CYP19A1: variants seen among roughly 807,000 people sequenced by gnomAD.
The protein encoded by CYP19A1 is aromatase.
CYP19A1 carries 32 observed loss-of-function variants against 44.4 expected under a neutral mutation model. That is an observed-to-expected ratio of 0.72 (90% confidence interval 0.54 to 0.97). The LOEUF (loss-of-function observed/expected upper bound fraction) is 0.97. Ranked by LOEUF, CYP19A1 falls within the 50% of genes least tolerant of loss-of-function variation. The pLI, the probability that CYP19A1 is intolerant of heterozygous loss-of-function variation, is 0.00. For missense variants in CYP19A1, 598 were observed against 637.8 expected (o/e 0.94, Z 0.67); for synonymous variants, 212 against 215.6 (o/e 0.98, Z 0.14).
intron 3 of CYP19A1, 54 bp from the exon 4 acceptor site, chr15:51,227,987 G>A: frequency 3.1e-6 from 3 of 967,232 alleles, no homozygotes; most frequent in Non-Finnish European, 3.4e-6. Context: ...AGAACTCCTG[G>A]TGGTACATTT....
At chr15:51,327,682 A>G (rs914646722) in intron 1 of CYP19A1, among the ~76,000 whole-genome samples, 2 of 152,168 alleles carry the variant, frequency 1.3e-5, no homozygotes, top group African/African-American at 4.8e-5. Flanking sequence ...CACAGGCACT[A>G]GTTCAGTTGA....
At chr15:51,223,763 C>G (rs1044818177) in intron 4 of CYP19A1, among the ~76,000 whole-genome samples, 1 of 152,124 alleles carries the variant, frequency 6.6e-6, no homozygotes. Context: ...AAGGAGCAGG[C>G]TTTCTGACCA....
At chr15:51,243,248 T>C (rs1353142764) in intron 1 of CYP19A1, among the ~76,000 whole-genome samples, 3 of 152,152 alleles carry the variant, frequency 2.0e-5, no homozygotes, top group Non-Finnish European at 2.9e-5. Context: ...GCATTCCCAA[T>C]TGAAAGCCAA....
At chr15:51,255,198 C>A (rs1299130926) in intron 1 of CYP19A1, among the ~76,000 whole-genome samples, 1 of 152,128 alleles carries the variant, frequency 6.6e-6, no homozygotes, top group Non-Finnish European at 1.5e-5. Context: ...AGGAAATCTC[C>A]CTCTTTCCAA....
intron 2 of CYP19A1, among the ~76,000 whole-genome samples, chr15:51,242,033 A>C (rs1285327977): frequency 6.6e-6 from 1 of 152,042 alleles, no homozygotes; most frequent in Non-Finnish European, 1.5e-5. Context: ...AGTCATTCTG[A>C]ATTAATCTGA....
intron 1 of CYP19A1, among the ~76,000 whole-genome samples, chr15:51,316,870 T>G (rs1051262030): frequency 6.6e-6 from 1 of 152,222 alleles, no homozygotes; most frequent in African/African-American, 2.4e-5. Context: ...GTGCAGCATT[T>G]AGGAAGCCTC....
At chr15:51,298,169 T>G (rs1158248158) in intron 1 of CYP19A1, among the ~76,000 whole-genome samples, 2 of 152,192 alleles carry the variant, frequency 1.3e-5, no homozygotes, top group Non-Finnish European at 2.9e-5. Context: ...GCCGCCACTG[T>G]TCAGGTGGCA....
At chr15:51,272,746 T>C (rs1221897219) in intron 1 of CYP19A1, among the ~76,000 whole-genome samples, 1 of 152,138 alleles carries the variant, frequency 6.6e-6, no homozygotes, top group African/African-American at 2.4e-5. Context: ...GTAATTATTA[T>C]AGGGGAAAAA....
At chr15:51,301,701 A>G (rs1283371638) in intron 1 of CYP19A1, among the ~76,000 whole-genome samples, 3 of 152,190 alleles carry the variant, frequency 2.0e-5, no homozygotes, top group Non-Finnish European at 4.4e-5. Context: ...TTTATCAAAT[A>G]TCACTGGTTG....
chr15:51,229,320 G>T (rs1340105780), intron 3 of CYP19A1, among the ~76,000 whole-genome samples: 2 of 150,674 alleles, frequency 1.3e-5, no homozygotes, highest in Non-Finnish European at 2.9e-5. Context: ...AGCCCTGGAG[G>T]TTGAGGCTGC....
At chr15:51,230,777 C>T (rs1291912354) in intron 3 of CYP19A1, among the ~76,000 whole-genome samples, 1 of 152,068 alleles carries the variant, frequency 6.6e-6, no homozygotes. Context: ...CGCCACCACA[C>T]CCGGCTAATT....
At chr15:51,225,971 C>T (rs1400993883) in intron 4 of CYP19A1, among the ~76,000 whole-genome samples, 1 of 151,382 alleles carries the variant, frequency 6.6e-6, no homozygotes, top group Non-Finnish European at 1.5e-5. Context: ...CACCTGTAGT[C>T]CCAGCTACTC....
At chr15:51,325,151 C>A (rs1595786418) in intron 1 of CYP19A1, among the ~76,000 whole-genome samples, 1 of 152,004 alleles carries the variant, frequency 6.6e-6, no homozygotes, top group Admixed American at 6.6e-5. Flanking sequence ...AGGCTGAGGC[C>A]AGCTTGGGCA....
At chr15:51,251,547 C>T (rs1394081905) in intron 1 of CYP19A1, among the ~76,000 whole-genome samples, 1 of 152,244 alleles carries the variant, frequency 6.6e-6, no homozygotes, top group Non-Finnish European at 1.5e-5. Flanking sequence ...ACAAGTGCTT[C>T]ACACCCAGTA....
intron 1 of CYP19A1, among the ~76,000 whole-genome samples, chr15:51,319,660 A>G (rs1193202105): frequency 6.6e-6 from 1 of 152,236 alleles, no homozygotes; most frequent in Non-Finnish European, 1.5e-5. Flanking sequence ...ATGTCTTCAT[A>G]TATAGCAAAA....
intron 1 of CYP19A1, among the ~76,000 whole-genome samples, chr15:51,285,497 G>T (rs1175691964): frequency 1.3e-5 from 2 of 152,182 alleles, no homozygotes; most frequent in Non-Finnish European, 2.9e-5. Context: ...TTGGGAAAAA[G>T]CTGAGTGTTG....
chr15:51,210,782 C>G lies in CYP19A1; in HGVS notation c.*26G>C. 2 of 1,421,330 alleles carry G rather than the reference C, an allele frequency of 1.4e-6. No homozygotes were observed. The highest frequency in any genetic ancestry group is 2.0e-6 in the Non-Finnish European group (2 of 1,003,048). The allele number at this position is 1,421,330 out of a possible 1,614,324, so 88.0% of individuals were successfully genotyped here. A position where few individuals can be genotyped will look rare whatever the true frequency, so the allele number is the denominator to read the frequency against. ...ATGTGAACTACTGATGAGAAATGCT[C>G]CAGAGTGGGTACTGACCAGCCTTCT... On this transcript the variant is annotated 3_prime_UTR_variant, in exon 10 of 10. Transcript: ENST00000396402.
chr15:51,328,810 A>G (rs1459998118), intron 1 of CYP19A1, among the ~76,000 whole-genome samples: 3 of 152,220 alleles, frequency 2.0e-5, no homozygotes, highest in African/African-American at 7.2e-5. Context: ...GCCCTCACCA[A>G]TGCAAGTGGC....
intron 1 of CYP19A1, among the ~76,000 whole-genome samples, chr15:51,303,756 T>C (rs1262410086): frequency 6.6e-6 from 1 of 152,072 alleles, no homozygotes; most frequent in Non-Finnish European, 1.5e-5. Context: ...CAGGAGGCAG[T>C]GAGAGGGCAG....
Sources: allele counts gnomAD v4.1 joint callset (sites outside exome capture counted in the v4.1 genomes callset), GRCh38; gene constraint gnomAD v4.1.1; transcripts MANE v1.5; gene names NCBI Gene and HGNC (gene_info 2026-07-23, HGNC 2026-07-21).